GPC6: variants seen among roughly 807,000 people sequenced by gnomAD.
GPC6 encodes glypican 6.
GPC6 carries 14 observed loss-of-function variants against 55.2 expected under a neutral mutation model. That is an observed-to-expected ratio of 0.25 (90% confidence interval 0.17 to 0.40). The LOEUF is 0.40. GPC6 is among the 10% of genes least tolerant of loss of function. The pLI is 1.00. For synonymous variants in GPC6, 278 were observed against 259.6 expected (o/e 1.07, Z -0.68); for missense variants, 641 against 708.5 (o/e 0.90, Z 1.08).
chr13:93,545,333 A>G lies in GPC6; in HGVS notation c.231A>G (p.Gln77=), dbSNP rs756383343. ...CAGAAATGGAAGACAAGTTAAGCCA[A>G]CAAAGCAAACTCGAATTTGAAAACC... ...CTTEMEDKLS[Q]QSKLEFENLV... The change falls in exon 2 of 9, where the codon CAA becomes CAG. Residue 77 remains glutamine (Q), a synonymous_variant. Transcript: ENST00000377047. The G allele has an allele frequency of 1.9e-6, 3 of 1,613,778 alleles. No individual in the cohort carries two copies. The highest frequency in any genetic ancestry group is 4.5e-5 in the East Asian group (2 of 44,860).
chr13:94,308,792 C>T (rs74420437), intron 6 of GPC6, among the ~76,000 whole-genome samples: 364 of 152,312 alleles, frequency 2.4e-3, no homozygotes, highest in Non-Finnish European at 3.9e-3. Flanking sequence ...GCGCATCAAA[C>T]GGAGCTATAC....
intron 3 of GPC6, among the ~76,000 whole-genome samples, chr13:93,934,896 A>ATAC (rs1878354898): frequency 6.6e-6 from 1 of 151,964 alleles, no homozygotes; most frequent in Non-Finnish European, 1.5e-5. Context: ...TGTTTTATAT[A>ATAC]AATTTAAGGA....
chr13:93,847,389 T>C (rs1381578867), intron 3 of GPC6, among the ~76,000 whole-genome samples: 2 of 152,106 alleles, frequency 1.3e-5, no homozygotes, highest in Non-Finnish European at 2.9e-5. Flanking sequence ...ATAATACTCA[T>C]AAAGCTGGCC....
At chr13:94,330,226 A>C (rs1396322632) in intron 6 of GPC6, among the ~76,000 whole-genome samples, 2 of 151,958 alleles carry the variant, frequency 1.3e-5, no homozygotes, top group African/African-American at 4.8e-5. Context: ...CCTAGTAATA[A>C]TTTTTAGGAT....
chr13:93,806,549 A>C (rs1886548324), intron 2 of GPC6, among the ~76,000 whole-genome samples: 1 of 152,160 alleles, frequency 6.6e-6, no homozygotes. Flanking sequence ...CATGTTGGCC[A>C]GGCTGGTCTC....
At chr13:94,020,398 T>C (rs1336519663) in intron 3 of GPC6, among the ~76,000 whole-genome samples, 1 of 152,232 alleles carries the variant, frequency 6.6e-6, no homozygotes, top group Non-Finnish European at 1.5e-5. Flanking sequence ...TTAGTAATGC[T>C]TTTTCGACTG....
chr13:93,368,321 T>TTCCC (rs1200781328), intron 1 of GPC6, among the ~76,000 whole-genome samples: 1 of 104,050 alleles, frequency 9.6e-6, no homozygotes, highest in Non-Finnish European at 1.9e-5. Flanking sequence ...CCTTCCCTCC[T>TTCCC]TCCCTCCCTC....
intron 4 of GPC6, among the ~76,000 whole-genome samples, chr13:94,184,167 A>G (rs995281362): frequency 6.6e-6 from 1 of 152,198 alleles, no homozygotes; most frequent in African/African-American, 2.4e-5. Flanking sequence ...CTCAAACTCT[A>G]AAAATCGTAG....
At position 94,166,017 on chromosome 13, in the gene GPC6, G is replaced by C. The variant is rs972504303; in HGVS notation, c.878-120332G>C. ...CCAAGTATAAGCTTTAAAAAGTAGG[G>C]CACGTTAAATTTCTTCTGCTAATTG... On this transcript the variant is annotated intron_variant, in intron 4 of 8. Transcript: ENST00000377047. Among the ~76,000 whole-genome samples, 3 of 151,990 alleles carry C rather than the reference G, an allele frequency of 2.0e-5. No homozygotes were observed. The East Asian group carries it at 5.8e-4, about 29-fold the overall frequency.
intron 4 of GPC6, among the ~76,000 whole-genome samples, chr13:94,242,191 A>G (rs1039856790): frequency 2.0e-5 from 3 of 151,874 alleles, no homozygotes; most frequent in African/African-American, 7.3e-5. Flanking sequence ...TCCTTGCGAT[A>G]GTTTACTGAG....
At chr13:94,245,166 C>A (rs1891160209) in intron 4 of GPC6, among the ~76,000 whole-genome samples, 1 of 152,046 alleles carries the variant, frequency 6.6e-6, no homozygotes, top group Non-Finnish European at 1.5e-5. Context: ...CTGTATCTCC[C>A]CACTTCCTCT....
chr13:93,240,407 AT>A (rs534839874), intron 1 of GPC6, among the ~76,000 whole-genome samples: 158 of 151,796 alleles, frequency 1.0e-3, no homozygotes, highest in Middle Eastern at 3.4e-3. Flanking sequence ...TTATTTATTT[AT>A]TTACTTTTGT....
chr13:94,223,956 T>C (rs767846635), intron 4 of GPC6, among the ~76,000 whole-genome samples: 3 of 151,650 alleles, frequency 2.0e-5, no homozygotes, highest in Non-Finnish European at 3.0e-5. Context: ...AGCTCTGCCT[T>C]CTTGTTTCGG....
chr13:93,529,960 C>T (rs1027902708), intron 1 of GPC6, among the ~76,000 whole-genome samples: 2 of 152,140 alleles, frequency 1.3e-5, no homozygotes, highest in African/African-American at 4.8e-5. Context: ...GTGAGAAGAA[C>T]ATGAGAAGAA....
At chr13:93,244,626 C>G (rs1197676744) in intron 1 of GPC6, among the ~76,000 whole-genome samples, 1 of 152,210 alleles carries the variant, frequency 6.6e-6, no homozygotes, top group African/African-American at 2.4e-5. Flanking sequence ...CAAATCAGCT[C>G]TAGCACCCGG....
At chr13:93,634,326 C>T (rs971262330) in intron 2 of GPC6, among the ~76,000 whole-genome samples, 8 of 152,120 alleles carry the variant, frequency 5.3e-5, no homozygotes, top group African/African-American at 1.9e-4. Flanking sequence ...CCTGCCTGTC[C>T]TCAACTGAAG....
At chr13:93,602,311 C>A (rs982646419) in intron 2 of GPC6, among the ~76,000 whole-genome samples, 17 of 152,054 alleles carry the variant, frequency 1.1e-4, no homozygotes, top group African/African-American at 4.1e-4. Flanking sequence ...GTTTTGGGTA[C>A]AAATTGAGGA....
chr13:93,672,610 C>G (rs1195156202), intron 2 of GPC6, among the ~76,000 whole-genome samples: 1 of 151,158 alleles, frequency 6.6e-6, no homozygotes, highest in Non-Finnish European at 1.5e-5. Context: ...AATTGGACTT[C>G]TTTCAAATAT....
chr13:94,178,291 C>A (rs963373236), intron 4 of GPC6, among the ~76,000 whole-genome samples: 1 of 152,102 alleles, frequency 6.6e-6, no homozygotes, highest in Non-Finnish European at 1.5e-5. Context: ...GCCATCGCAC[C>A]CGGCTGGTCT....
Sources: gnomAD v4.1 joint callset for allele counts (sites outside exome capture counted in the v4.1 genomes callset) on GRCh38, gnomAD v4.1.1 for gene constraint, MANE v1.5 for transcripts, NCBI Gene and HGNC (gene_info 2026-07-23, HGNC 2026-07-21) for gene names.